Variants in ACAN observed in about 807,000 individuals in gnomAD.
ACAN encodes the protein aggrecan, also known as aggrecan core protein.
ACAN carries 47 observed loss-of-function variants against 169.1 expected under a neutral mutation model. That is an observed-to-expected ratio of 0.28 (90% CI 0.22 to 0.35). The LOEUF is 0.35. ACAN is among the 10% of genes least tolerant of loss of function. ACAN has a pLI of 1.00. For synonymous variants in ACAN, 1,115 were observed against 1,112.2 expected, an observed-to-expected ratio of 1.00 and a Z score of -0.05; for missense variants, 2,716 against 2,759.9, an observed-to-expected ratio of 0.98 and a Z score of 0.36.
rs181029183 is a variant in ACAN, at chr15:88,859,280, C to T, written c.6695C>T (p.Thr2232Met). Residue 2232 changes from threonine to methionine, a missense_variant, in exon 12 of 19, where the codon ACG becomes ATG. By Grantham distance (81) the Thr-to-Met change is moderately conservative. Coordinates refer to ENST00000560601, the MANE Select transcript of ACAN (RefSeq NM_001369268.1). ...WTQQTQRPAE[T>M]HLEIESSSLL... is the part of the protein sequence containing the mutation. ...CAGCAGACCCAGCGCCCTGCAGAGA[C>T]GCATCTAGAAATTGAGTCCTCAAGC... 38 of 1,613,748 alleles carry T rather than the reference C, an allele frequency of 2.4e-5. No homozygotes were observed. Among genetic ancestry groups the T allele is most frequent in the South Asian group, 2.0e-4 (18 of 91,054 alleles).
chr15:88,823,013 T>C (rs1199287712), intron 1 of ACAN, among the ~76,000 whole-genome samples: 1 of 152,218 alleles, frequency 6.6e-6, no homozygotes, highest in African/African-American at 2.4e-5. Context: ...TGGCCCTTTC[T>C]GGCAAGCAGG....
In ACAN at chr15:88,807,043, T is replaced by G. The variant is rs1381734461; in HGVS notation, c.-8+3234T>G. Among the ~76,000 whole-genome samples, 1 of 152,222 alleles carries G rather than the reference T, an allele frequency of 6.6e-6. No homozygotes were observed. Among genetic ancestry groups the G allele is most frequent in the Non-Finnish European group, 1.5e-5 (1 of 68,036 alleles). Reference sequence around the variant, plus strand: ...ATTTGCATATATTTTTATTTAATTTTTTTTTTACTATATTGGTCCCAATGA... The same window carrying G: ...ATTTGCATATATTTTTATTTAATTTGTTTTTTACTATATTGGTCCCAATGA... On this transcript the variant is annotated intron_variant, in intron 1 of 18. Transcript: ENST00000560601. The surrounding 1 kb of genome is among the most constrained non-coding windows in gnomAD (Gnocchi z 4.0).
At chr15:88,825,243 G>A (rs1402949143) in intron 1 of ACAN, among the ~76,000 whole-genome samples, 2 of 152,156 alleles carry the variant, frequency 1.3e-5, no homozygotes, top group Non-Finnish European at 2.9e-5. Flanking sequence ...CATAGGCCAA[G>A]CTCCCTTTTG....
chr15:88,823,904 A>T (rs4932201), intron 1 of ACAN, among the ~76,000 whole-genome samples: 2 of 151,708 alleles, frequency 1.3e-5, no homozygotes, highest in African/African-American at 4.8e-5. Context: ...CCGTGTGTGC[A>T]CTCCCGGCTA....
intron 1 of ACAN, among the ~76,000 whole-genome samples, chr15:88,811,122 G>C (rs1283587295): frequency 6.6e-6 from 1 of 152,196 alleles, no homozygotes; most frequent in East Asian, 1.9e-4. Flanking sequence ...TCCAAGGCCA[G>C]CAACAGGCTT....
At chr15:88,867,232 A>G (rs1235555507) in intron 13 of ACAN, among the ~76,000 whole-genome samples, 1 of 152,246 alleles carries the variant, frequency 6.6e-6, no homozygotes. Context: ...ATTTGAGGCA[A>G]TGGCCAATGA....
Position 88,851,950 on chromosome 15 carries a change from C to T in ACAN, c.2183C>T (p.Ala728Val). Residue 728 changes from alanine (A) to valine (V), a missense_variant, in exon 11 of 19, where the codon GCC becomes GTC. Coordinates refer to ENST00000560601, the MANE Select transcript of ACAN (RefSeq NM_001369268.1). This position sits in a 1 kb window ranked among gnomAD's most constrained non-coding sequence, Gnocchi z 4.3. ...GCTGTACCCTCAGGGGAGACTACTG[C>T]CATCCTAGAGTTCACCACCGAGCCA... ...TTAVPSGETT[A>V]ILEFTTEPEN... is the part of the protein sequence containing the mutation. 1 of 1,612,562 alleles carries T rather than the reference C, an allele frequency of 6.2e-7. No homozygotes were observed. Among genetic ancestry groups the T allele is most frequent in the Non-Finnish European group, 8.5e-7 (1 of 1,179,348 alleles).
rs766547434 is a variant in ACAN at position 88,859,072 on chromosome 15, G to A, written c.6487G>A (p.Ala2163Thr). 147 of 1,613,792 alleles carry A rather than the reference G, an allele frequency of 9.1e-5. No individual in the cohort carries two copies. In the Admixed American group the frequency reaches 9.8e-4, roughly 11 times the overall value. The change falls in exon 12 of 19, where the codon GCT (alanine) becomes ACT (threonine). Residue 2163 changes from alanine (A) to threonine (T), a missense_variant. Coordinates refer to ENST00000560601, the MANE Select transcript of ACAN (RefSeq NM_001369268.1). ...TLTFQEGEAS[A>T]APEVSGESTT... The stretch of plus-strand genomic sequence containing the variant: ...GACATTTCAAGAAGGCGAGGCGTCC[G>A]CTGCCCCAGAAGTGAGTGGAGAATC...
Position 88,866,514 on chromosome 15 carries a change from C to T in ACAN, c.6947-1702C>T, listed in dbSNP as rs2082477441. 6.6e-6 allele frequency among the ~76,000 whole-genome samples: 1 copy of T among 152,032 alleles called. No homozygotes were observed. The highest frequency in any genetic ancestry group is 6.5e-5 in the Admixed American group (1 of 15,274). On this transcript the variant is annotated intron_variant, in intron 13 of 18. Coordinates refer to ENST00000560601, the MANE Select transcript of ACAN (RefSeq NM_001369268.1). This position sits in a 1 kb window ranked among gnomAD's most constrained non-coding sequence, Gnocchi z 5.6. ...TGGGATTTCAGTCTGTTCCTCCATGCATTTTGGGTTTGCTTGGAACAGTTC... is the reference window on the plus strand; with the variant it reads ...TGGGATTTCAGTCTGTTCCTCCATGTATTTTGGGTTTGCTTGGAACAGTTC...
chr15:88,819,627 G>A (rs1896025087), intron 1 of ACAN, among the ~76,000 whole-genome samples: 1 of 151,240 alleles, frequency 6.6e-6, no homozygotes, highest in Non-Finnish European at 1.5e-5. Context: ...ATAGCTTGGT[G>A]TGGTGGCTCA....
At chr15:88,863,299 T>C (rs1897233453) in intron 13 of ACAN, among the ~76,000 whole-genome samples, 1 of 152,306 alleles carries the variant, frequency 6.6e-6, no homozygotes, top group Admixed American at 6.5e-5. Context: ...CCCACTTCCA[T>C]TACTGACATC....
At chr15:88,819,715 A>G (rs1343942111) in intron 1 of ACAN, among the ~76,000 whole-genome samples, 1 of 152,040 alleles carries the variant, frequency 6.6e-6, no homozygotes, top group Non-Finnish European at 1.5e-5. Context: ...GCAGTGAGCT[A>G]TGATCTCACC....
chr15:88,864,770 C>T (rs947655399), intron 13 of ACAN, among the ~76,000 whole-genome samples: 1 of 152,144 alleles, frequency 6.6e-6, no homozygotes, highest in South Asian at 2.1e-4. Context: ...TAAGAGGTTT[C>T]CCCCATCCTT....
In ACAN at chr15:88,858,006, G is replaced by A. The variant is rs1897099934; in HGVS notation, c.5421G>A (p.Gly1807=). The change falls in exon 12 of 19, where the codon GGG becomes GGA. Residue 1807 remains glycine, a synonymous_variant. Transcript: ENST00000560601. The surrounding 1 kb of genome is among the most constrained non-coding windows in gnomAD (Gnocchi z 4.0). ...GQPSGLPGFS[G]ATSGVPDLVS... Reference sequence around the variant, plus strand: ...CTTCAGGGTTACCAGGGTTCAGTGGGGCAACATCAGGAGTCCCTGACCTGG... The same window carrying A: ...CTTCAGGGTTACCAGGGTTCAGTGGAGCAACATCAGGAGTCCCTGACCTGG... 4.3e-6 allele frequency: 7 copies of A among 1,613,790 alleles called. No individual in the cohort carries two copies. The highest frequency in any genetic ancestry group is 1.7e-5 in the Admixed American group (1 of 59,992).
At chr15:88,819,785 TA>T (rs896272970) in intron 1 of ACAN, among the ~76,000 whole-genome samples, 5 of 151,576 alleles carry the variant, frequency 3.3e-5, no homozygotes, top group South Asian at 2.1e-4. Context: ...TTTTTTTAAT[TA>T]AAAAAAATTA....
At chr15:88,826,935 C>A (rs1169031919) in intron 1 of ACAN, among the ~76,000 whole-genome samples, 1 of 152,180 alleles carries the variant, frequency 6.6e-6, no homozygotes, top group Non-Finnish European at 1.5e-5. Context: ...GGATTCCAAA[C>A]CAAACTCAGC....
At position 88,868,773 on chromosome 15, in the gene ACAN, T is replaced by G. The variant is rs545290967; in HGVS notation, c.7060+444T>G. 2.0e-5 allele frequency among the ~76,000 whole-genome samples: 3 copies of G among 152,286 alleles called. No individual in the cohort carries two copies. In the South Asian group the frequency reaches 6.2e-4, roughly 32 times the overall value. ...GGCCCTGGGAGCCACTGTGCCACAT[T>G]GGCCAAGCTGCCTTTCTCTTCTCCT... On this transcript the variant is annotated intron_variant, in intron 14 of 18. Coordinates refer to ENST00000560601, the MANE Select transcript of ACAN (RefSeq NM_001369268.1). The surrounding 1 kb of genome is among the most constrained non-coding windows in gnomAD (Gnocchi z 5.2).
chr15:88,853,782 ATACG>A (rs1031769419), intron 11 of ACAN, among the ~76,000 whole-genome samples: 32 of 144,256 alleles, frequency 2.2e-4, no homozygotes, highest in Non-Finnish European at 1.6e-4. Context: ...ACATACATAC[ATACG>A]TACATACATA....
rs185391458 is a variant in ACAN, at chr15:88,815,378, G to C, written c.-8+11569G>C. Among the ~76,000 whole-genome samples the C allele has an allele frequency of 2.6e-5, 4 of 152,156 alleles. No homozygotes were observed. In the East Asian group the frequency reaches 7.8e-4, roughly 30 times the overall value. ...GTTTGAGACCAGCTTGGGCAACATG[G>C]AGAAACCTCGTCTCTACTAAAAATA... On this transcript the variant is annotated intron_variant, in intron 1 of 18. Transcript: ENST00000560601.
Sources: gnomAD v4.1 joint callset for allele counts (sites outside exome capture counted in the v4.1 genomes callset) on GRCh38, gnomAD v4.1.1 for gene constraint, Gnocchi (gnomAD v3.1) non-coding constraint, MANE v1.5 for transcripts, NCBI Gene and HGNC (gene_info 2026-07-23, HGNC 2026-07-21) for gene names.